UGDH: variants seen among roughly 807,000 people sequenced by gnomAD.
UGDH encodes the protein UDP-Glc dehydrogenase.
UGDH carries 38 observed loss-of-function variants against 50.6 expected under a neutral mutation model. The observed-to-expected ratio is 0.75, with a 90% CI of 0.58 to 0.98. The LOEUF is 0.98. Among genes scored for constraint, UGDH ranks in the 50% least tolerant of loss-of-function variants. The pLI, the probability that UGDH is intolerant of heterozygous loss-of-function variation, is 0.00. For synonymous variants in UGDH, 168 were observed against 199.9 expected, an observed-to-expected ratio of 0.84 and a Z score of 1.35; for missense variants, 465 against 606.2, an observed-to-expected ratio of 0.77 and a Z score of 2.45.
chr4:39,522,422 G>T (rs559097598), intron 1 of UGDH, among the ~76,000 whole-genome samples: 3 of 152,288 alleles, frequency 2.0e-5, no homozygotes, highest in African/African-American at 7.2e-5. Flanking sequence ...GGTAATCAGA[G>T]AGTTTAAGAA....
Position 39,512,989 on chromosome 4 carries a change from G to T in UGDH, c.264+1094C>A, listed in dbSNP as rs190639943. The stretch of plus-strand genomic sequence containing the variant: ...GACATACAGCACCACGGCCAGCTAA[G>T]TAGAGACAGGGTTTCACCATGTTGC... On this transcript the variant is annotated intron_variant, in intron 3 of 11. Coordinates refer to ENST00000316423, the MANE Select transcript of UGDH (RefSeq NM_003359.4). 4.7e-4 allele frequency among the ~76,000 whole-genome samples: 71 copies of T among 152,066 alleles called. 1 individual carries two copies. The South Asian group carries it at 0.011, about 23-fold the overall frequency.
chr4:39,510,951 A>G lies in UGDH; in HGVS notation c.265-90T>C, dbSNP rs7668172. On this transcript the variant is annotated intron_variant, in intron 3 of 11. Transcript: ENST00000316423. ...GAACTACTGGTTAAAGTGTGGAGTT[A>G]ACAATCATCAGTAGCCCTGATTTAA... is the stretch of plus-strand genomic sequence containing the variant. The G allele has an allele frequency of 2.2e-3, 2,846 of 1,275,176 alleles. 42 individuals carry two copies. The African/African-American group carries it at 0.032, about 14-fold the overall frequency. 79.0% of individuals were successfully genotyped at this position (1,275,176 alleles called of 1,614,324 possible).
At chr4:39,502,922 A>AT (rs1241965878) in intron 11 of UGDH, among the ~76,000 whole-genome samples, 4 of 146,706 alleles carry the variant, frequency 2.7e-5, no homozygotes, top group Admixed American at 2.7e-4. Flanking sequence ...AATTTTTATT[A>AT]TTTTTTTTTC....
At position 39,504,495 on chromosome 4, in the gene UGDH, C is replaced by T. The variant is rs186624979; in HGVS notation, c.1185G>A (p.Val395=). Reference sequence around the variant, plus strand: ...CTTCATATGGATCCTTGGAAATGGTCACGAGCCGGGACACTGTAACAATAG... The same window carrying T: ...CTTCATATGGATCCTTGGAAATGGTTACGAGCCGGGACACTGTAACAATAG... ...VSEDDQVSRL[V]TISKDPYEAC... The change falls in exon 10 of 12, where the codon GTG becomes GTA. Residue 395 remains valine, a synonymous_variant. Coordinates refer to ENST00000316423, the MANE Select transcript of UGDH (RefSeq NM_003359.4). The T allele has an allele frequency of 6.2e-7, 1 of 1,613,758 alleles. No individual in the cohort carries two copies. The highest frequency in any genetic ancestry group is 1.3e-5 in the African/African-American group (1 of 74,964).
intron 11 of UGDH, among the ~76,000 whole-genome samples, chr4:39,502,440 G>A (rs1745856138): frequency 5.3e-5 from 8 of 152,184 alleles, no homozygotes. Context: ...AGCAGATTAG[G>A]CCTTACTGAT....
intron 1 of UGDH, chr4:39,526,592 T>C (rs1746904183): frequency 6.3e-6 from 1 of 159,676 alleles, no homozygotes; most frequent in African/African-American, 2.4e-5. Flanking sequence ...GAACCCCTCT[T>C]TTCTCTATAC....
intron 2 of UGDH, among the ~76,000 whole-genome samples, chr4:39,517,973 C>T (rs541609373): frequency 1.6e-4 from 24 of 152,178 alleles, no homozygotes; most frequent in Admixed American, 9.8e-4. Context: ...CTGTTACCAA[C>T]GCTGGAGTGC....
intron 1 of UGDH, chr4:39,526,376 C>T (rs1560270971): frequency 1.3e-5 from 2 of 152,182 alleles, no homozygotes; most frequent in Admixed American, 1.3e-4. Flanking sequence ...GGGTTGTCTA[C>T]CCCTTACCTT....
rs56118664 is a variant in UGDH, at chr4:39,516,245, C to G, written c.163-2061G>C. 6.3e-3 allele frequency among the ~76,000 whole-genome samples: 963 copies of G among 152,238 alleles called. 4 individuals are homozygous for G. Among genetic ancestry groups the G allele is most frequent in the Middle Eastern group, 0.027 (8 of 294 alleles). ...GTTGCAGTGAGCCAAGATCGGGCCA[C>G]TGCACTCCAGCCTGGGCCACAGAGC... On this transcript the variant is annotated intron_variant, in intron 2 of 11. Transcript: ENST00000316423.
In UGDH at chr4:39,505,686, A is replaced by G. The variant is rs1158555190; in HGVS notation, c.969T>C (p.Phe323=). The G allele has an allele frequency of 2.5e-6, 4 of 1,610,846 alleles. No homozygotes were observed. In the Admixed American group the frequency reaches 6.7e-5, roughly 27 times the overall value. The change falls in exon 8 of 12, where the codon TTT becomes TTC. Residue 323 remains phenylalanine, a synonymous_variant. Coordinates refer to ENST00000316423, the MANE Select transcript of UGDH (RefSeq NM_003359.4). ...RFASRIIDSL[F]NTVTDKKIAI... ...CTATCTTCTTATCAGTTACTGTATT[A>G]AACAGACTATCTATGATCCGGGAAG...
rs1461371285 is a variant in UGDH, at chr4:39,511,151, A to C, written c.265-290T>G. 2.6e-5 allele frequency among the ~76,000 whole-genome samples: 4 copies of C among 152,184 alleles called. No individual in the cohort carries two copies. The East Asian group carries it at 7.7e-4, about 29-fold the overall frequency. On this transcript the variant is annotated intron_variant, in intron 3 of 11. Transcript: ENST00000316423. ...AGCCCTGAAGATACATAAATGAATG[A>C]GACGGTTATCCTAAAGGACTTCACA... is the stretch of plus-strand genomic sequence containing the variant.
intron 1 of UGDH, among the ~76,000 whole-genome samples, chr4:39,526,155 T>C (rs1452227070): frequency 6.6e-6 from 1 of 152,226 alleles, no homozygotes; most frequent in African/African-American, 2.4e-5. Flanking sequence ...TCACACATTT[T>C]AATCATTTCC....
chr4:39,520,478 C>T (rs1427059910), intron 2 of UGDH, among the ~76,000 whole-genome samples: 5 of 148,028 alleles, frequency 3.4e-5, no homozygotes, highest in Admixed American at 2.7e-4. Context: ...ACTCATTTTA[C>T]AGTGAAATAA....
Position 39,510,820 on chromosome 4 carries a change from C to A in UGDH, c.306G>T (p.Arg102=), listed in dbSNP as rs1203295474. The A allele has an allele frequency of 6.2e-7, 1 of 1,614,054 alleles. No individual in the cohort carries two copies. The highest frequency in any genetic ancestry group is 8.5e-7 in the Non-Finnish European group (1 of 1,180,046). The change falls in exon 4 of 12, where the codon CGG becomes CGT. Residue 102 remains arginine (R), a synonymous_variant. Transcript: ENST00000316423. ...CTTCAATATACTTCAGATCTGCTGC[C>A]CGGCCTTTCCCCATTCCATAGGTTT... ...PTKTYGMGKG[R]AADLKYIEAC...
intron 2 of UGDH, among the ~76,000 whole-genome samples, chr4:39,515,730 T>C: frequency 6.6e-6 from 1 of 152,114 alleles, no homozygotes; most frequent in Non-Finnish European, 1.5e-5. Flanking sequence ...GAGACAGTCT[T>C]GCTCTGTCAC....
At position 39,508,671 on chromosome 4, in the gene UGDH, A is replaced by T. The variant is rs561410748; in HGVS notation, c.812-11T>A. The T allele has an allele frequency of 6.3e-7, 1 of 1,582,614 alleles. No homozygotes were observed. Among genetic ancestry groups the T allele is most frequent in the East Asian group, 2.3e-5 (1 of 43,002 alleles). On this transcript the variant is annotated splice_polypyrimidine_tract_variant and intron_variant, in intron 6 of 11. Transcript: ENST00000316423. Reference sequence around the variant, plus strand: ...AGCTCCCACCAAACCCTGCAGAAAGAAAAAAATGAACAATATTTTCATGTA... The same window carrying T: ...AGCTCCCACCAAACCCTGCAGAAAGTAAAAAATGAACAATATTTTCATGTA...
Position 39,500,254 on chromosome 4 carries a change from C to A in UGDH, c.1375-1G>T. On this transcript the variant is annotated splice_acceptor_variant, in intron 11 of 11. Coordinates refer to ENST00000316423, the MANE Select transcript of UGDH (RefSeq NM_003359.4). LOFTEE classifies it high-confidence loss of function. ...ACACCTTTTTGCCAATTGTTTCAAT[C>A]TGAAAAAAAAATAAAATTTAAGAGA... 1 of 1,552,368 alleles carries A rather than the reference C, an allele frequency of 6.4e-7. No individual in the cohort carries two copies. The highest frequency in any genetic ancestry group is 8.8e-7 in the Non-Finnish European group (1 of 1,141,830).
At chr4:39,506,250 C>T (rs1035137080) in intron 7 of UGDH, among the ~76,000 whole-genome samples, 1 of 83,474 alleles carries the variant, frequency 1.2e-5, no homozygotes, top group African/African-American at 4.8e-5. Flanking sequence ...AAAAAAAAAG[C>T]CATTCTAAAA....
intron 10 of UGDH, among the ~76,000 whole-genome samples, chr4:39,504,201 A>C (rs936493833): frequency 1.3e-5 from 2 of 152,024 alleles, no homozygotes; most frequent in Admixed American, 1.3e-4. Context: ...CCAGCTACTC[A>C]GGAAGCTGAG....
Sources: gnomAD v4.1 joint callset for allele counts (sites outside exome capture counted in the v4.1 genomes callset) on GRCh38, gnomAD v4.1.1 for gene constraint, MANE v1.5 for transcripts, NCBI Gene and HGNC (gene_info 2026-07-23, HGNC 2026-07-21) for gene names.